The following MORN5 variants were observed in gnomAD, a reference collection of about 807,000 sequenced individuals.
MORN5 encodes MORN repeat containing 5, also known as MORN repeat-containing protein 5.
In MORN5, 21 loss-of-function variants were observed where a neutral mutation model predicts 22.1. The observed-to-expected ratio is 0.95, with a 90% CI of 0.67 to 1.37. The LOEUF is 1.37. Among genes scored for constraint, MORN5 ranks in the 40% most tolerant of loss-of-function variants. The probability of loss-of-function intolerance (pLI) is 0.00; values close to 1 mark genes in which losing one functional copy is unlikely to be tolerated. For missense variants in MORN5, 211 were observed against 215.1 expected (o/e 0.98, Z 0.12); for synonymous variants, 73 against 74.0 (o/e 0.99, Z 0.07).
chr9:122,181,904 C>G (rs552873456), intron 4 of MORN5, among the ~76,000 whole-genome samples: 1 of 152,302 alleles, frequency 6.6e-6, no homozygotes, highest in East Asian at 1.9e-4. Flanking sequence ...TGGCTGTTAT[C>G]ATTATGATGA....
chr9:122,173,088 G>C (rs927757658), intron 3 of MORN5, among the ~76,000 whole-genome samples: 1 of 152,302 alleles, frequency 6.6e-6, no homozygotes, highest in African/African-American at 2.4e-5. Context: ...ACAATGGCTG[G>C]TTATGCTAAA....
chr9:122,167,898 C>T (rs539145640), intron 2 of MORN5, among the ~76,000 whole-genome samples: 3 of 152,182 alleles, frequency 2.0e-5, no homozygotes, highest in African/African-American at 4.8e-5. Flanking sequence ...CTCATGGCCA[C>T]GCATCACTCC....
intron 1 of MORN5, among the ~76,000 whole-genome samples, chr9:122,164,133 T>C (rs1268480603): frequency 6.6e-6 from 1 of 152,226 alleles, no homozygotes; most frequent in Non-Finnish European, 1.5e-5. Context: ...TTCTTCTTTT[T>C]AACTTACTTT....
intron 1 of MORN5, among the ~76,000 whole-genome samples, chr9:122,162,167 T>A (rs1021694865): frequency 5.0e-4 from 76 of 152,214 alleles, no homozygotes; most frequent in African/African-American, 1.7e-3. Flanking sequence ...TTTCCTCATC[T>A]GTAAAATGGG....
intron 4 of MORN5, among the ~76,000 whole-genome samples, chr9:122,175,886 G>C (rs970156094): frequency 2.0e-5 from 3 of 151,770 alleles, no homozygotes; most frequent in African/African-American, 4.8e-5. Flanking sequence ...AGGCCGAGGA[G>C]GGCGGATCAT....
intron 1 of MORN5, among the ~76,000 whole-genome samples, chr9:122,163,692 G>A (rs77245077): frequency 0.017 from 2,634 of 152,236 alleles, 49 homozygotes; most frequent in Non-Finnish European, 0.022. Context: ...CTGGACAGGC[G>A]GTCTGTGCTC....
At position 122,169,625 on chromosome 9, in the gene MORN5, G is replaced by T; in HGVS notation, c.196-20G>T. ...GCCTTCAGCTTCCTCAGATGCACGT[G>T]TGTGCTCCTTGTCTTCCAGGGCACA... On this transcript the variant is annotated intron_variant, in intron 2 of 4. Transcript: ENST00000373764. The T allele has an allele frequency of 6.4e-7, 1 of 1,570,502 alleles. No homozygotes were observed.
chr9:122,163,698 T>C (rs1327466880), intron 1 of MORN5, among the ~76,000 whole-genome samples: 13 of 152,162 alleles, frequency 8.5e-5, no homozygotes, highest in Non-Finnish European at 1.9e-4. Flanking sequence ...AGGCGGTCTG[T>C]GCTCTGGCAA....
chr9:122,165,487 A>C lies in MORN5; in HGVS notation c.48-1281A>C, dbSNP rs116290140. Among the ~76,000 whole-genome samples the C allele has an allele frequency of 9.3e-3, 1,411 of 151,032 alleles. 14 individuals carry two copies. The highest frequency in any genetic ancestry group is 0.03 in the African/African-American group (1,237 of 40,976). ...CTACTTGGGAGGCTGAGGTGGGAGG[A>C]TCACTTGAGTTCAGGGGATTGAGGC... On this transcript the variant is annotated intron_variant, in intron 1 of 4. Coordinates refer to ENST00000373764, the MANE Select transcript of MORN5 (RefSeq NM_198469.4).
chr9:122,186,707 C>A (rs574798837), intron 4 of MORN5, among the ~76,000 whole-genome samples: 1 of 152,316 alleles, frequency 6.6e-6, no homozygotes, highest in African/African-American at 2.4e-5. Flanking sequence ...TCCCCCACGG[C>A]AGCCTCCTGG....
Position 122,159,921 on chromosome 9 carries a change from C to T in MORN5, c.-52C>T. ...CCCCTCCAGGTTGTCATAGTGATGC[C>T]GTATCCACTGAGACTCCGGATCCTA... On this transcript the variant is annotated 5_prime_UTR_variant, in exon 1 of 5. Coordinates refer to ENST00000373764, the MANE Select transcript of MORN5 (RefSeq NM_198469.4). The T allele has an allele frequency of 6.3e-7, 1 of 1,575,634 alleles. No homozygotes were observed. Among genetic ancestry groups the T allele is most frequent in the South Asian group, 1.1e-5 (1 of 90,314 alleles).
intron 4 of MORN5, chr9:122,174,874 G>A: frequency 7.7e-7 from 1 of 1,301,906 alleles, no homozygotes; most frequent in Non-Finnish European, 9.8e-7. Context: ...CGCACTGAAA[G>A]GATTAAGGTA....
intron 1 of MORN5, among the ~76,000 whole-genome samples, chr9:122,165,138 T>G (rs1224211529): frequency 2.0e-5 from 3 of 152,128 alleles, no homozygotes; most frequent in Non-Finnish European, 4.4e-5. Context: ...GCCTTCAGCT[T>G]GTTAGGAGGA....
At chr9:122,162,381 T>C (rs1188559070) in intron 1 of MORN5, among the ~76,000 whole-genome samples, 1 of 152,176 alleles carries the variant, frequency 6.6e-6, no homozygotes, top group Non-Finnish European at 1.5e-5. Flanking sequence ...TTATGTAGAC[T>C]CTCCATGGCT....
chr9:122,160,429 G>A (rs1829175178), intron 1 of MORN5, among the ~76,000 whole-genome samples: 1 of 152,178 alleles, frequency 6.6e-6, no homozygotes, highest in South Asian at 2.1e-4. Context: ...CTACACGGTC[G>A]CTTCCTTCCA....
At chr9:122,191,232 G>A (rs111779973) in intron 4 of MORN5, among the ~76,000 whole-genome samples, 3,049 of 152,244 alleles carry the variant, frequency 0.02, 104 homozygotes, top group African/African-American at 0.066. Context: ...CCATGTGCAC[G>A]CCTCCCCTCA....
In MORN5 at chr9:122,169,835, C is replaced by T. The variant is rs537011891; in HGVS notation, c.307+79C>T. 10 of 987,572 alleles carry T rather than the reference C, an allele frequency of 1.0e-5. No homozygotes were observed. The Admixed American group carries it at 1.7e-4, about 17-fold the overall frequency. The allele number at this position is 987,572 out of a possible 1,614,324, so 61.2% of individuals were successfully genotyped here. On this transcript the variant is annotated intron_variant, in intron 3 of 4. Transcript: ENST00000373764. Reference sequence around the variant, plus strand: ...CAGTTTCGGATAAGTGGACTGTGTCCTACTAAAGTAACTTAAAGGGGAAGA... The same window carrying T: ...CAGTTTCGGATAAGTGGACTGTGTCTTACTAAAGTAACTTAAAGGGGAAGA...
chr9:122,190,707 G>T (rs910530736), intron 4 of MORN5, among the ~76,000 whole-genome samples: 1 of 152,266 alleles, frequency 6.6e-6, no homozygotes, highest in African/African-American at 2.4e-5. Context: ...CCGCCCTGTG[G>T]CAGGCTTTGC....
intron 4 of MORN5, 97 bp from the exon 5 acceptor site, chr9:122,199,788 A>G: frequency 8.8e-7 from 1 of 1,132,252 alleles, no homozygotes; most frequent in East Asian, 2.3e-5. Context: ...CCATCGACGG[A>G]CCATCCCAGT....
Sources: gnomAD v4.1 joint callset for allele counts (sites outside exome capture counted in the v4.1 genomes callset) on GRCh38, gnomAD v4.1.1 for gene constraint, MANE v1.5 for transcripts, NCBI Gene and HGNC (gene_info 2026-07-23, HGNC 2026-07-21) for gene names.